Variants in CLEC16A observed in about 807,000 individuals in gnomAD.
CLEC16A encodes the protein protein CLEC16A.
In CLEC16A, 51 loss-of-function variants were observed where a neutral mutation model predicts 109.5. The observed-to-expected ratio is 0.47, with a 90% CI of 0.37 to 0.59. The LOEUF is 0.59. Ranked by LOEUF, CLEC16A falls within the 20% of genes least tolerant of loss-of-function variation. The probability of loss-of-function intolerance (pLI) is 0.00; values close to 1 mark genes in which losing one functional copy is unlikely to be tolerated. For synonymous variants in CLEC16A, 673 were observed against 564.2 expected, an observed-to-expected ratio of 1.19 and a Z score of -2.73; for missense variants, 1,339 against 1,394.0, an observed-to-expected ratio of 0.96 and a Z score of 0.63.
intron 18 of CLEC16A, among the ~76,000 whole-genome samples, chr16:11,051,955 C>T (rs1485314087): frequency 2.0e-5 from 3 of 152,260 alleles, no homozygotes; most frequent in South Asian, 4.1e-4. Flanking sequence ...TGTGAACCAT[C>T]GGGGGTGAGC....
chr16:11,060,908 C>T lies in CLEC16A; in HGVS notation c.2002C>T (p.Arg668Trp), dbSNP rs755356205. 1.1e-5 allele frequency: 18 copies of T among 1,609,416 alleles called. No individual in the cohort carries two copies. The Admixed American group carries it at 1.7e-4, about 15-fold the overall frequency. The stretch of plus-strand genomic sequence containing the variant: ...CTCTGAACTGTTGGTCCAGGCCATC[C>T]GGGTGTTCTTCATGCTGCGTTCCCT... Reference protein sequence around the residue: ...GDVEKTRRAIRVFFMLRSLSL... With the variant: ...GDVEKTRRAIWVFFMLRSLSL... Residue 668 changes from arginine to tryptophan, a missense_variant, in exon 19 of 24, where the codon CGG (arginine) becomes TGG (tryptophan). Physicochemically the swap from Arg to Trp is moderately radical, Grantham distance 101. This residue lies in a region of CLEC16A where 1,061 missense variants were observed against 1,006.8 expected (regional missense o/e 1.05). Coordinates refer to ENST00000409790, the MANE Select transcript of CLEC16A (RefSeq NM_015226.3).
At chr16:11,081,745 C>A (rs1018887867) in intron 19 of CLEC16A, among the ~76,000 whole-genome samples, 1 of 152,208 alleles carries the variant, frequency 6.6e-6, no homozygotes, top group Non-Finnish European at 1.5e-5. Flanking sequence ...TGAAAGAGGC[C>A]TTTCTCCAGG....
In CLEC16A at chr16:11,178,518, A is replaced by T; in HGVS notation, c.2990A>T (p.Asp997Val). 1 of 1,613,392 alleles carries T rather than the reference A, an allele frequency of 6.2e-7. No individual in the cohort carries two copies. The highest frequency in any genetic ancestry group is 8.5e-7 in the Non-Finnish European group (1 of 1,179,878). The change falls in exon 24 of 24, where the codon GAC becomes GTC. Residue 997 changes from aspartate to valine, a missense_variant. Asp to Val is a radical substitution (Grantham distance 152). Coordinates refer to ENST00000409790, the MANE Select transcript of CLEC16A (RefSeq NM_015226.3). The surrounding 1 kb of genome is among the most constrained non-coding windows in gnomAD (Gnocchi z 6.5). ...RQPTISLLCEDTADTLSVESL... is the reference protein window; with the variant it reads ...RQPTISLLCEVTADTLSVESL... ...CCCACCATTTCCCTGCTCTGCGAGG[A>T]CACGGCTGACACGCTGAGCGTCGAA...
chr16:11,076,161 G>A (rs1333188306), intron 19 of CLEC16A, among the ~76,000 whole-genome samples: 6 of 152,076 alleles, frequency 3.9e-5, no homozygotes, highest in Non-Finnish European at 5.9e-5. Context: ...TTAAATAGAC[G>A]TCAGACCCTT....
At chr16:10,948,886 A>G (rs184767281) in intron 1 of CLEC16A, among the ~76,000 whole-genome samples, 381 of 152,320 alleles carry the variant, frequency 2.5e-3, no homozygotes, top group Non-Finnish European at 4.3e-3. Flanking sequence ...GAGGAAAAAG[A>G]GAGCTTCTTT....
intron 23 of CLEC16A, among the ~76,000 whole-genome samples, chr16:11,167,659 A>G (rs896277189): frequency 2.6e-5 from 4 of 152,222 alleles, no homozygotes; most frequent in South Asian, 4.2e-4. Flanking sequence ...TCCACACACA[A>G]TGTTACCTGC....
chr16:11,174,342 G>C lies in CLEC16A; in HGVS notation c.2807-3993G>C. 1 of 415,262 alleles carries C rather than the reference G, an allele frequency of 2.4e-6. No homozygotes were observed. Among genetic ancestry groups the C allele is most frequent in the African/African-American group, 2.0e-5 (1 of 49,488 alleles). 25.7% of individuals were successfully genotyped at this position (415,262 alleles called of 1,614,324 possible). On this transcript the variant is annotated intron_variant, in intron 23 of 23. Coordinates refer to ENST00000409790, the MANE Select transcript of CLEC16A (RefSeq NM_015226.3). The surrounding 1 kb of genome is among the most constrained non-coding windows in gnomAD (Gnocchi z 4.7). ...CTCGCCACGCTGCATTTCCACAGTCGGCAGGGTCCGCGCTGGCAAGGTGGG... is the reference window on the plus strand; with the variant it reads ...CTCGCCACGCTGCATTTCCACAGTCCGCAGGGTCCGCGCTGGCAAGGTGGG...
chr16:11,088,270 G>C (rs1022095090), intron 19 of CLEC16A, among the ~76,000 whole-genome samples: 1 of 152,232 alleles, frequency 6.6e-6, no homozygotes, highest in Non-Finnish European at 1.5e-5. Context: ...CAGAGGCTCT[G>C]AGAGGTCACA....
At position 10,983,198 on chromosome 16, in the gene CLEC16A, T is replaced by A. The variant is rs77330898; in HGVS notation, c.1071+207T>A. Among the ~76,000 whole-genome samples, 623 of 152,288 alleles carry A rather than the reference T, an allele frequency of 4.1e-3. 4 individuals are homozygous for A. Among genetic ancestry groups the A allele is most frequent in the Middle Eastern group, 0.031 (9 of 294 alleles). On this transcript the variant is annotated intron_variant, in intron 10 of 23. Coordinates refer to ENST00000409790, the MANE Select transcript of CLEC16A (RefSeq NM_015226.3). ...CAGGGACCACCTGGATTTGATTGAT[T>A]GTGTGTTCTTAAACATGGAATTGTA...
Position 11,063,840 on chromosome 16 carries a change from T to TGGCAGAG in CLEC16A, c.2116+2827_2116+2833dup, listed in dbSNP as rs201351098. Among the ~76,000 whole-genome samples, 515 of 147,432 alleles carry TGGCAGAG rather than the reference T, an allele frequency of 3.5e-3. 6 individuals carry two copies. The highest frequency in any genetic ancestry group is 0.035 in the East Asian group (173 of 4,966). ...TTTTGTTTTTCACTAGAGAGGAGAG[T>TGGCAGAG]GGCAGAGGGCAGAGGTCAGGAACTG... On this transcript the variant is annotated intron_variant, in intron 19 of 23. Transcript: ENST00000409790.
intron 15 of CLEC16A, among the ~76,000 whole-genome samples, chr16:11,042,909 A>G: frequency 6.7e-6 from 1 of 149,800 alleles, no homozygotes; most frequent in South Asian, 2.1e-4. Context: ...AAATAATTAT[A>G]TATATAAAGA....
At position 11,178,540 on chromosome 16, in the gene CLEC16A, C is replaced by T. The variant is rs199524020; in HGVS notation, c.3012C>T (p.Val1004=). Residue 1004 remains valine, a synonymous_variant, in exon 24 of 24, where the codon GTC becomes GTT. Coordinates refer to ENST00000409790, the MANE Select transcript of CLEC16A (RefSeq NM_015226.3). The surrounding 1 kb of genome is among the most constrained non-coding windows in gnomAD (Gnocchi z 6.5). ...AGGACACGGCTGACACGCTGAGCGT[C>T]GAATCGCTGACCCTTGTCCCCCCAG... is the stretch of plus-strand genomic sequence containing the variant. ...LCEDTADTLS[V]ESLTLVPPVD... The T allele has an allele frequency of 1.5e-5, 25 of 1,612,930 alleles. No homozygotes were observed. Among genetic ancestry groups the T allele is most frequent in the South Asian group, 4.4e-5 (4 of 91,092 alleles).
At chr16:10,960,660 G>A (rs1171680736) in intron 2 of CLEC16A, among the ~76,000 whole-genome samples, 1 of 152,062 alleles carries the variant, frequency 6.6e-6, no homozygotes, top group Non-Finnish European at 1.5e-5. Context: ...GAGGGGGTGG[G>A]GGTTAAGGTC....
intron 13 of CLEC16A, among the ~76,000 whole-genome samples, chr16:11,034,597 G>T (rs539198565): frequency 6.6e-5 from 10 of 152,086 alleles, no homozygotes; most frequent in Non-Finnish European, 1.2e-4. Context: ...GTCCACGGGT[G>T]GACAGGGGAC....
chr16:11,100,370 G>T (rs1320831617), intron 19 of CLEC16A, among the ~76,000 whole-genome samples: 1 of 152,164 alleles, frequency 6.6e-6, no homozygotes, highest in Non-Finnish European at 1.5e-5. Flanking sequence ...AGCTGAAGGC[G>T]GTGATGCACA....
chr16:10,972,232 G>C (rs955524347), intron 5 of CLEC16A, among the ~76,000 whole-genome samples: 1 of 152,270 alleles, frequency 6.6e-6, no homozygotes, highest in Middle Eastern at 3.2e-3. Flanking sequence ...CAGTCCTGCA[G>C]TTGGGGGGGT....
chr16:11,177,128 C>G (rs1371036320), intron 23 of CLEC16A, among the ~76,000 whole-genome samples: 1 of 152,222 alleles, frequency 6.6e-6, no homozygotes, highest in Non-Finnish European at 1.5e-5. Flanking sequence ...ACCCCCAGCT[C>G]TGTGCAAATG....
At chr16:11,059,339 A>T (rs1396749337) in intron 18 of CLEC16A, among the ~76,000 whole-genome samples, 3 of 152,210 alleles carry the variant, frequency 2.0e-5, no homozygotes, top group African/African-American at 4.8e-5. Context: ...CATCATCATC[A>T]TTATAACTTA....
At chr16:11,091,620 G>A (rs1425124076) in intron 19 of CLEC16A, among the ~76,000 whole-genome samples, 1 of 152,182 alleles carries the variant, frequency 6.6e-6, no homozygotes, top group Non-Finnish European at 1.5e-5. Context: ...CAGCATTCAA[G>A]CTACCTCTGC....
Sources: allele counts gnomAD v4.1 joint callset (sites outside exome capture counted in the v4.1 genomes callset), GRCh38; gene constraint gnomAD v4.1.1; regional missense constraint gnomAD v4.1.1; non-coding constraint Gnocchi (gnomAD v3.1); transcripts MANE v1.5; gene names NCBI Gene and HGNC (gene_info 2026-07-23, HGNC 2026-07-21).